The following SEMA6D variants were observed in gnomAD, a reference collection of about 807,000 sequenced individuals.
SEMA6D encodes the protein semaphorin-6D.
In SEMA6D, 35 loss-of-function variants were observed where a neutral mutation model predicts 106.6. That is an observed-to-expected ratio of 0.33 (90% CI 0.25 to 0.44). The LOEUF is 0.44. Ranked by LOEUF, SEMA6D falls within the 20% of genes least tolerant of loss-of-function variation. SEMA6D has a pLI of 1.00. For missense variants in SEMA6D, 1,185 were observed against 1,345.9 expected, an observed-to-expected ratio of 0.88 and a Z score of 1.87; for synonymous variants, 499 against 487.7, an observed-to-expected ratio of 1.02 and a Z score of -0.31.
At chr15:47,547,103 A>G (rs368899016) in intron 3 of SEMA6D, among the ~76,000 whole-genome samples, 261 of 152,214 alleles carry the variant, frequency 1.7e-3, no homozygotes, top group African/African-American at 5.3e-3. Context: ...TTTACATTAA[A>G]TCAACGTATA....
intron 2 of SEMA6D, among the ~76,000 whole-genome samples, chr15:47,445,553 G>C (rs7177939): frequency 0.044 from 6,723 of 151,950 alleles, 324 homozygotes; most frequent in East Asian, 0.15. Flanking sequence ...GTGTATATCA[G>C]TTTGAACTCT....
intron 1 of SEMA6D, among the ~76,000 whole-genome samples, chr15:47,247,872 A>G: frequency 6.6e-6 from 1 of 152,222 alleles, no homozygotes; most frequent in East Asian, 1.9e-4. Context: ...TGCAAAGGGT[A>G]GTGAGCTGGG....
intron 3 of SEMA6D, among the ~76,000 whole-genome samples, chr15:47,520,864 G>C (rs2044551134): frequency 6.6e-6 from 1 of 152,216 alleles, no homozygotes; most frequent in Non-Finnish European, 1.5e-5. Context: ...GGATGTGCCT[G>C]TTTGTGGTGT....
intron 1 of SEMA6D, among the ~76,000 whole-genome samples, chr15:47,250,150 C>T (rs117041563): frequency 0.023 from 3,566 of 152,112 alleles, 57 homozygotes; most frequent in Middle Eastern, 0.051. Flanking sequence ...TTCTAACCTT[C>T]GCAAAAATCC....
intron 1 of SEMA6D, among the ~76,000 whole-genome samples, chr15:47,410,571 G>T (rs1312229653): frequency 6.6e-6 from 1 of 152,154 alleles, no homozygotes; most frequent in African/African-American, 2.4e-5. Flanking sequence ...AACAGAAAAG[G>T]TTTTCTCATT....
chr15:47,649,832 C>G (rs1341482171), intron 4 of SEMA6D, among the ~76,000 whole-genome samples: 1 of 152,118 alleles, frequency 6.6e-6, no homozygotes, highest in Non-Finnish European at 1.5e-5. Context: ...AGGCAGTTTC[C>G]AAAATGAAAA....
At chr15:47,552,881 A>AATATATATATAAAT (rs1447208066) in intron 3 of SEMA6D, among the ~76,000 whole-genome samples, 110 of 14,260 alleles carry the variant, frequency 7.7e-3, no homozygotes, top group Non-Finnish European at 0.014. Context: ...TATATATATA[A>AATATATATATAAAT]ATATATATAA....
intron 1 of SEMA6D, among the ~76,000 whole-genome samples, chr15:47,746,188 G>A (rs992655062): frequency 2.6e-5 from 4 of 152,198 alleles, no homozygotes; most frequent in African/African-American, 9.7e-5. Flanking sequence ...TGGGTCATTA[G>A]AGTTTTAACC....
intron 1 of SEMA6D, among the ~76,000 whole-genome samples, chr15:47,746,980 GTGTGTATATA>G (rs755901469): frequency 8.6e-6 from 1 of 116,700 alleles, no homozygotes; most frequent in South Asian, 3.0e-4. Flanking sequence ...CTGTGTGTGT[GTGTGTATATA>G]TATATATATA....
At chr15:47,654,124 A>G (rs914127104) in intron 4 of SEMA6D, among the ~76,000 whole-genome samples, 3 of 152,188 alleles carry the variant, frequency 2.0e-5, no homozygotes, top group Non-Finnish European at 2.9e-5. Context: ...AGGGATGATG[A>G]TCATTTTTCC....
At chr15:47,501,130 G>A (rs778717862) in intron 3 of SEMA6D, among the ~76,000 whole-genome samples, 1 of 152,056 alleles carries the variant, frequency 6.6e-6, no homozygotes, top group South Asian at 2.1e-4. Flanking sequence ...TCTCCTCATC[G>A]GTTCAAACAA....
intron 2 of SEMA6D, among the ~76,000 whole-genome samples, chr15:47,452,973 T>C (rs182799151): frequency 2.9e-4 from 44 of 152,122 alleles, no homozygotes; most frequent in African/African-American, 1.0e-3. Context: ...TTTGTTTTAG[T>C]TGATTGTTTT....
intron 1 of SEMA6D, among the ~76,000 whole-genome samples, chr15:47,354,705 A>G (rs1595807251): frequency 6.6e-6 from 1 of 151,976 alleles, no homozygotes; most frequent in Non-Finnish European, 1.5e-5. Flanking sequence ...GCCCACAGTG[A>G]TACAGGCTCA....
chr15:47,472,944 G>A (rs1361950553), intron 3 of SEMA6D, among the ~76,000 whole-genome samples: 1 of 152,138 alleles, frequency 6.6e-6, no homozygotes, highest in African/African-American at 2.4e-5. Flanking sequence ...CATTTTTCTG[G>A]AGAAAGACAG....
intron 1 of SEMA6D, chr15:47,359,474 C>T (rs2038716795): frequency 6.6e-6 from 1 of 152,146 alleles, no homozygotes; most frequent in African/African-American, 2.4e-5. Context: ...TGTGGGGCGA[C>T]AGAGTAGGGA....
upstream of SEMA6D, among the ~76,000 whole-genome samples, chr15:47,713,676 T>C (rs1470539680): frequency 1.3e-5 from 2 of 152,314 alleles, no homozygotes; most frequent in Admixed American, 6.5e-5. Context: ...TTTTGAAACA[T>C]GAAATTCTAC....
intron 1 of SEMA6D, among the ~76,000 whole-genome samples, chr15:47,407,769 T>C (rs899867036): frequency 1.3e-5 from 2 of 152,246 alleles, no homozygotes; most frequent in African/African-American, 4.8e-5. Context: ...TCTTATCTTT[T>C]CTGAGACTTA....
intron 3 of SEMA6D, among the ~76,000 whole-genome samples, chr15:47,512,604 G>A (rs971160187): frequency 2.6e-5 from 4 of 152,196 alleles, no homozygotes; most frequent in African/African-American, 9.6e-5. Flanking sequence ...TAGGTATGAG[G>A]AAGAATGGCT....
chr15:47,251,929 T>TA (rs1331665703), intron 1 of SEMA6D, among the ~76,000 whole-genome samples: 1 of 139,850 alleles, frequency 7.2e-6, no homozygotes, highest in Admixed American at 7.1e-5. Context: ...TTTTTTTTTT[T>TA]TTTTGAGACG....
Sources: gnomAD v4.1 joint callset for allele counts (sites outside exome capture counted in the v4.1 genomes callset) on GRCh38, gnomAD v4.1.1 for gene constraint, MANE v1.5 for transcripts, NCBI Gene and HGNC (gene_info 2026-07-23, HGNC 2026-07-21) for gene names.